The following CUL2 variants were observed in gnomAD, a reference collection of about 807,000 sequenced individuals.
CUL2 encodes cullin 2.
In CUL2, 22 loss-of-function variants were observed where a neutral mutation model predicts 110.2. The observed-to-expected ratio is 0.20, with a 90% CI of 0.14 to 0.28. CUL2 has a LOEUF of 0.28. Among genes scored for constraint, CUL2 ranks in the 10% least tolerant of loss-of-function variants. The probability of loss-of-function intolerance (pLI) is 1.00; values close to 1 mark genes in which losing one functional copy is unlikely to be tolerated. For missense variants in CUL2, 631 were observed against 905.5 expected (o/e 0.70, Z 3.89); for synonymous variants, 279 against 293.2 (o/e 0.95, Z 0.49).
chr10:35,019,975 C>A lies in CUL2; in HGVS notation c.1685-3581G>T, dbSNP rs554839080. On this transcript the variant is annotated intron_variant, in intron 17 of 20. Transcript: ENST00000374749. The stretch of plus-strand genomic sequence containing the variant: ...AATGGAGATATCTGGTGGTTACCGC[C>A]TTCATCAAGTGACCAAATTTAGCAT... 5.9e-5 allele frequency among the ~76,000 whole-genome samples: 9 copies of A among 151,576 alleles called. No individual in the cohort carries two copies. In the South Asian group the frequency reaches 1.7e-3, roughly 28 times the overall value.
chr10:35,030,930 T>C (rs1219831046), intron 14 of CUL2, among the ~76,000 whole-genome samples: 1 of 152,330 alleles, frequency 6.6e-6, no homozygotes, highest in East Asian at 1.9e-4. Context: ...AGAAAATTTA[T>C]TGAATAACAC....
intron 1 of CUL2, among the ~76,000 whole-genome samples, chr10:35,106,958 T>TTG (rs2087465584): frequency 6.6e-6 from 1 of 151,554 alleles, no homozygotes; most frequent in African/African-American, 2.4e-5. Context: ...CCTGTTTTTT[T>TTG]TTGTTGTTTT....
At chr10:35,117,783 C>T (rs1299375581) in intron 1 of CUL2, among the ~76,000 whole-genome samples, 1 of 152,160 alleles carries the variant, frequency 6.6e-6, no homozygotes, top group Non-Finnish European at 1.5e-5. Flanking sequence ...AAAAGTGTTA[C>T]AGAAATATGT....
rs2085471972 is a variant in CUL2 at position 35,031,179 on chromosome 10, C to T, written c.1386+121G>A. 4 of 625,802 alleles carry T rather than the reference C, an allele frequency of 6.4e-6. No individual in the cohort carries two copies. Among genetic ancestry groups the T allele is most frequent in the East Asian group, 5.5e-5 (2 of 36,646 alleles). The allele number at this position is 625,802 out of a possible 1,614,324, so 38.8% of individuals were successfully genotyped here. On this transcript the variant is annotated intron_variant, in intron 14 of 20. Coordinates refer to ENST00000374749, the MANE Select transcript of CUL2 (RefSeq NM_003591.4). The surrounding 1 kb of genome is among the most constrained non-coding windows in gnomAD (Gnocchi z 4.4). ...ATTTGTATATCCCACTGTGTGACTA[C>T]ACAAATACACATTTAACCAGATGAA...
At chr10:35,039,294 T>A (rs1312444419) in intron 8 of CUL2, among the ~76,000 whole-genome samples, 1 of 152,246 alleles carries the variant, frequency 6.6e-6, no homozygotes, top group African/African-American at 2.4e-5. Flanking sequence ...ACCAGTCTTA[T>A]AAGCAAGAAC....
At chr10:35,093,659 C>CAAAAAAAAAAA (rs58582764), upstream of CUL2, among the ~76,000 whole-genome samples, 8 of 87,830 alleles carry the variant, frequency 9.1e-5, no homozygotes, top group African/African-American at 2.2e-4. Context: ...GACCTTCTCT[C>CAAAAAAAAAAA]AAAAAAAAAA....
chr10:35,030,789 A>T (rs1321157111), intron 14 of CUL2, among the ~76,000 whole-genome samples: 1 of 151,078 alleles, frequency 6.6e-6, no homozygotes, highest in Non-Finnish European at 1.5e-5. Flanking sequence ...GCTGCTCAGG[A>T]GGCTGAGGCG....
At chr10:35,052,545 C>A (rs1005733954) in intron 5 of CUL2, among the ~76,000 whole-genome samples, 5 of 152,252 alleles carry the variant, frequency 3.3e-5, no homozygotes, top group East Asian at 1.9e-4. Flanking sequence ...TTCAAAAATA[C>A]TTAATGAATG....
At position 35,078,878 on chromosome 10, in the gene CUL2, A is replaced by G. The variant is rs918085723; in HGVS notation, c.-22-7539T>C. On this transcript the variant is annotated intron_variant, in intron 1 of 20. Coordinates refer to ENST00000374749, the MANE Select transcript of CUL2 (RefSeq NM_003591.4). ...AAAAATTTGGCATCCAAAAATTATC[A>G]GTAAGATACAATAGAGTGGTCTAAG... Among the ~76,000 whole-genome samples the G allele has an allele frequency of 3.3e-5, 5 of 152,226 alleles. No individual in the cohort carries two copies. In the East Asian group the frequency reaches 9.6e-4, roughly 29 times the overall value.
chr10:35,092,163 C>A (rs2087220035), upstream of CUL2, among the ~76,000 whole-genome samples: 1 of 152,158 alleles, frequency 6.6e-6, no homozygotes, highest in Admixed American at 6.5e-5. Context: ...CTATGTTGCC[C>A]AGGCTCCTCT....
At chr10:35,083,895 T>C (rs960633235) in intron 1 of CUL2, among the ~76,000 whole-genome samples, 1 of 152,210 alleles carries the variant, frequency 6.6e-6, no homozygotes, top group Admixed American at 6.5e-5. Context: ...GGCAAATCCA[T>C]GTTTCATTCT....
chr10:35,111,988 T>A (rs1023338860), intron 1 of CUL2, among the ~76,000 whole-genome samples: 2 of 152,228 alleles, frequency 1.3e-5, no homozygotes, highest in Admixed American at 1.3e-4. Flanking sequence ...ACTGCTCAAC[T>A]GTACAAGGGT....
intron 15 of CUL2, 85 bp downstream of exon 15, chr10:35,029,403 C>G (rs918412562): frequency 1.0e-6 from 1 of 990,256 alleles, no homozygotes; most frequent in Non-Finnish European, 1.4e-6. Flanking sequence ...CAGAACCAAA[C>G]GTAATCAGGC....
intron 17 of CUL2, among the ~76,000 whole-genome samples, chr10:35,017,826 T>A (rs1355542588): frequency 6.7e-6 from 1 of 149,308 alleles, no homozygotes; most frequent in African/African-American, 2.5e-5. Flanking sequence ...AAGCTCATAA[T>A]GAATAATATG....
At chr10:35,068,312 C>G (rs1273897279) in intron 2 of CUL2, among the ~76,000 whole-genome samples, 4 of 152,054 alleles carry the variant, frequency 2.6e-5, no homozygotes. Context: ...ATCCCAGACA[C>G]TCGGGAGGCT....
intron 16 of CUL2, among the ~76,000 whole-genome samples, chr10:35,027,713 T>G (rs2085371518): frequency 1.3e-5 from 2 of 152,098 alleles, no homozygotes; most frequent in Admixed American, 1.3e-4. Context: ...TGGATTTCAA[T>G]CCTATGTATC....
In CUL2 at chr10:35,016,299, C is replaced by G. The variant is rs147937108; in HGVS notation, c.1780G>C (p.Val594Leu). The change falls in exon 18 of 21, where the codon GTC becomes CTC. Residue 594 changes from valine to leucine, a missense_variant. Val to Leu is a conservative substitution (Grantham distance 32). This residue lies in a region of CUL2 where 159 missense variants were observed against 202.7 expected (regional missense o/e 0.78). Transcript: ENST00000374749. ...CTGTCCTGAAGCTCTTTATAACTGACAGTTTCACTGTTGTTAAAGGCAAGA... is the reference window on the plus strand; with the variant it reads ...CTGTCCTGAAGCTCTTTATAACTGAGAGTTTCACTGTTGTTAAAGGCAAGA... ...VLLAFNNSETVSYKELQDSTQ... is the reference protein window; with the variant it reads ...VLLAFNNSETLSYKELQDSTQ... The G allele has an allele frequency of 7.4e-6, 12 of 1,614,036 alleles. No individual in the cohort carries two copies. The highest frequency in any genetic ancestry group is 1.0e-5 in the Non-Finnish European group (12 of 1,179,954).
At chr10:35,020,249 A>G (rs181516998) in intron 17 of CUL2, among the ~76,000 whole-genome samples, 1 of 152,290 alleles carries the variant, frequency 6.6e-6, no homozygotes, top group East Asian at 1.9e-4. Flanking sequence ...TGTTCAAAAC[A>G]GTGTGTCAAA....
intron 17 of CUL2, among the ~76,000 whole-genome samples, chr10:35,023,422 A>G (rs1248267393): frequency 6.6e-6 from 1 of 152,222 alleles, no homozygotes; most frequent in Non-Finnish European, 1.5e-5. Flanking sequence ...ATGAACAAAC[A>G]AAAGAGCTCC....
Sources: gnomAD v4.1 joint callset for allele counts (sites outside exome capture counted in the v4.1 genomes callset) on GRCh38, gnomAD v4.1.1 for gene constraint, gnomAD v4.1.1 regional missense constraint, Gnocchi (gnomAD v3.1) non-coding constraint, MANE v1.5 for transcripts, NCBI Gene and HGNC (gene_info 2026-07-23, HGNC 2026-07-21) for gene names.